Variants in KCTD8 observed in about 807,000 individuals in gnomAD.
The protein encoded by KCTD8 is BTB/POZ domain-containing protein KCTD8.
KCTD8 carries 27 observed loss-of-function variants against 31.5 expected under a neutral mutation model. The ratio of observed to expected loss-of-function variants is 0.86; its 90% CI spans 0.63 to 1.18. The LOEUF is 1.18. KCTD8 is among the 50% of genes most tolerant of loss of function. KCTD8 has a pLI of 0.00. For synonymous variants in KCTD8, 290 were observed against 280.0 expected (o/e 1.04, Z -0.36); for missense variants, 658 against 647.7 (o/e 1.02, Z -0.17).
At position 44,403,565 on chromosome 4, in the gene KCTD8, G is replaced by A. The variant is rs932582396; in HGVS notation, c.961+43998C>T. On this transcript the variant is annotated intron_variant, in intron 1 of 1. Coordinates refer to ENST00000360029, the MANE Select transcript of KCTD8 (RefSeq NM_198353.3). Reference sequence around the variant, plus strand: ...GGCCCTTCCCTTTGGCTTTGCAATTGGCCACCTTCTCACTCTATCTTCACA... The same window carrying A: ...GGCCCTTCCCTTTGGCTTTGCAATTAGCCACCTTCTCACTCTATCTTCACA... Among the ~76,000 whole-genome samples the A allele has an allele frequency of 5.9e-4, 89 of 151,892 alleles. 2 individuals carry two copies. The highest frequency in any genetic ancestry group is 5.8e-3 in the Admixed American group (89 of 15,230).
At chr4:44,398,265 T>C (rs1259316413) in intron 1 of KCTD8, among the ~76,000 whole-genome samples, 1 of 152,198 alleles carries the variant, frequency 6.6e-6, no homozygotes, top group Non-Finnish European at 1.5e-5. Flanking sequence ...TGCAGTCCAC[T>C]AAATCAGGGA....
intron 1 of KCTD8, among the ~76,000 whole-genome samples, chr4:44,237,108 G>GA (rs1715314269): frequency 6.6e-6 from 1 of 152,084 alleles, no homozygotes. Flanking sequence ...AAAATAAAAT[G>GA]AAAAAATGAA....
chr4:44,337,794 C>T (rs1718792211), intron 1 of KCTD8, among the ~76,000 whole-genome samples: 1 of 151,096 alleles, frequency 6.6e-6, no homozygotes, highest in African/African-American at 2.4e-5. Flanking sequence ...TGTTAAAAGT[C>T]CAAAATTGTA....
At chr4:44,303,363 T>C (rs1717691444) in intron 1 of KCTD8, among the ~76,000 whole-genome samples, 1 of 152,032 alleles carries the variant, frequency 6.6e-6, no homozygotes, top group African/African-American at 2.4e-5. Context: ...CTCTTTTTGG[T>C]TGGTAAGCTA....
At chr4:44,230,657 C>G (rs1715095095) in intron 1 of KCTD8, among the ~76,000 whole-genome samples, 1 of 152,150 alleles carries the variant, frequency 6.6e-6, no homozygotes, top group African/African-American at 2.4e-5. Context: ...AAGTGACAGG[C>G]AGAAATGTAC....
At chr4:44,235,095 AATG>A (rs769606429) in intron 1 of KCTD8, among the ~76,000 whole-genome samples, 5 of 151,636 alleles carry the variant, frequency 3.3e-5, no homozygotes, top group African/African-American at 4.8e-5. Context: ...CACGTTGACC[AATG>A]ATGATGATGA....
intron 1 of KCTD8, among the ~76,000 whole-genome samples, chr4:44,253,832 T>C (rs1277959695): frequency 6.6e-6 from 1 of 151,906 alleles, no homozygotes; most frequent in Non-Finnish European, 1.5e-5. Context: ...TTAGAATTTT[T>C]GTTACATAGC....
intron 1 of KCTD8, among the ~76,000 whole-genome samples, chr4:44,302,673 ATTTGACTTCC>A (rs1176417844): frequency 6.6e-6 from 1 of 151,922 alleles, no homozygotes; most frequent in African/African-American, 2.4e-5. Flanking sequence ...AACAGGGACA[ATTTGACTTCC>A]TCTTTTCCTA....
chr4:44,270,878 T>TA (rs1319478652), intron 1 of KCTD8, among the ~76,000 whole-genome samples: 1 of 152,162 alleles, frequency 6.6e-6, no homozygotes, highest in African/African-American at 2.4e-5. Context: ...AATCTATTTA[T>TA]TCTCAGACTA....
chr4:44,394,520 G>A (rs1015908650), intron 1 of KCTD8, among the ~76,000 whole-genome samples: 1 of 152,030 alleles, frequency 6.6e-6, no homozygotes, highest in African/African-American at 2.4e-5. Context: ...CATATTTAAT[G>A]TCATAAAAAC....
intron 1 of KCTD8, among the ~76,000 whole-genome samples, chr4:44,221,791 A>G (rs747614728): frequency 2.6e-5 from 4 of 151,740 alleles, no homozygotes; most frequent in South Asian, 2.1e-4. Context: ...CTGGCAGCTG[A>G]TTAGATGGTG....
chr4:44,338,904 A>G (rs547526866), intron 1 of KCTD8, among the ~76,000 whole-genome samples: 63 of 152,300 alleles, frequency 4.1e-4, no homozygotes, highest in African/African-American at 1.3e-3. Flanking sequence ...CCTTATAGAC[A>G]CACATGAAAA....
chr4:44,337,575 G>A (rs376912710), intron 1 of KCTD8, among the ~76,000 whole-genome samples: 4 of 151,890 alleles, frequency 2.6e-5, no homozygotes, highest in South Asian at 4.2e-4. Context: ...TCAGGAGGCT[G>A]AGGCAGAAGA....
At chr4:44,282,681 C>T (rs1397695306) in intron 1 of KCTD8, among the ~76,000 whole-genome samples, 2 of 152,050 alleles carry the variant, frequency 1.3e-5, no homozygotes, top group Admixed American at 6.6e-5. Context: ...AGCCAGTGAA[C>T]ACATGAGTGA....
chr4:44,356,608 G>A (rs570575997), intron 1 of KCTD8, among the ~76,000 whole-genome samples: 2 of 152,148 alleles, frequency 1.3e-5, no homozygotes, highest in East Asian at 3.9e-4. Context: ...CGAGTAGCTG[G>A]TAGCCGAGTA....
At chr4:44,399,768 G>A (rs868632218) in intron 1 of KCTD8, among the ~76,000 whole-genome samples, 7 of 152,222 alleles carry the variant, frequency 4.6e-5, no homozygotes, top group South Asian at 2.1e-4. Flanking sequence ...GTTAAAGAGC[G>A]TTAATCACAC....
chr4:44,409,554 G>A (rs1351535802), intron 1 of KCTD8, among the ~76,000 whole-genome samples: 2 of 152,076 alleles, frequency 1.3e-5, no homozygotes, highest in Non-Finnish European at 2.9e-5. Flanking sequence ...TAGAAATAAT[G>A]GTGAAGTGGG....
intron 1 of KCTD8, among the ~76,000 whole-genome samples, chr4:44,191,066 C>A (rs1008740346): frequency 6.6e-6 from 1 of 152,086 alleles, no homozygotes; most frequent in African/African-American, 2.4e-5. Flanking sequence ...GGCAGAGGAA[C>A]AAAAATTGTG....
intron 1 of KCTD8, among the ~76,000 whole-genome samples, chr4:44,315,905 T>G (rs187681885): frequency 1.1e-4 from 16 of 152,284 alleles, no homozygotes; most frequent in Non-Finnish European, 1.3e-4. Context: ...GTTTTTCTCT[T>G]TAATCTTGAT....
Sources: allele counts gnomAD v4.1 joint callset (sites outside exome capture counted in the v4.1 genomes callset), GRCh38; gene constraint gnomAD v4.1.1; transcripts MANE v1.5; gene names NCBI Gene and HGNC (gene_info 2026-07-23, HGNC 2026-07-21).